The following RPF2 variants were observed in gnomAD, a reference collection of about 807,000 sequenced individuals.
RPF2 encodes ribosome production factor 2 homolog.
RPF2 carries 21 observed loss-of-function variants against 38.9 expected under a neutral mutation model. The observed-to-expected ratio is 0.54, with a 90% CI of 0.38 to 0.78. The LOEUF is 0.78. Among genes scored for constraint, RPF2 ranks in the 30% least tolerant of loss-of-function variants. The probability of loss-of-function intolerance (pLI) is 0.00; values close to 1 mark genes in which losing one functional copy is unlikely to be tolerated. For synonymous variants in RPF2, 121 were observed against 126.2 expected, an observed-to-expected ratio of 0.96 and a Z score of 0.28; for missense variants, 314 against 358.1, an observed-to-expected ratio of 0.88 and a Z score of 0.99.
rs762746907 is a variant in RPF2 at position 111,025,539 on chromosome 6, CAG to C, written c.880_881del (p.Glu294ArgfsTer10). The stretch of plus-strand genomic sequence containing the variant: ...AAGAAGCGACCTGCAGAAAGGATAA[CAG>C]AAGACCACGAGAAAAAGTCAAAAAG... On this transcript the variant is annotated frameshift_variant, in exon 10 of 10. Coordinates refer to ENST00000441448, the MANE Select transcript of RPF2 (RefSeq NM_032194.3). LOFTEE classifies it high-confidence loss of function. The C allele has an allele frequency of 1.2e-6, 2 of 1,610,140 alleles. No individual in the cohort carries two copies. The highest frequency in any genetic ancestry group is 1.1e-5 in the South Asian group (1 of 89,648).
intron 6 of RPF2, among the ~76,000 whole-genome samples, chr6:111,005,080 A>C (rs557111743): frequency 6.6e-5 from 10 of 152,232 alleles, no homozygotes; most frequent in African/African-American, 2.4e-4. Context: ...TGAAGCATGG[A>C]AGACTTGTTA....
intron 6 of RPF2, among the ~76,000 whole-genome samples, chr6:111,000,361 C>G (rs955520259): frequency 2.0e-5 from 3 of 152,112 alleles, no homozygotes; most frequent in Non-Finnish European, 4.4e-5. Context: ...TGGTGTGAGC[C>G]AAAGCACCTG....
At chr6:111,003,336 G>C (rs1000477761) in intron 6 of RPF2, among the ~76,000 whole-genome samples, 2 of 151,796 alleles carry the variant, frequency 1.3e-5, no homozygotes, top group Non-Finnish European at 2.9e-5. Flanking sequence ...CGTCACCCAG[G>C]CTGGAGTGCA....
At chr6:111,020,951 C>A (rs909671703) in intron 8 of RPF2, among the ~76,000 whole-genome samples, 2 of 152,004 alleles carry the variant, frequency 1.3e-5, no homozygotes, top group Non-Finnish European at 2.9e-5. Context: ...GGGCAGATCA[C>A]GAGGTCAGGA....
intron 7 of RPF2, among the ~76,000 whole-genome samples, chr6:111,008,790 C>G (rs985851697): frequency 1.4e-4 from 21 of 151,076 alleles, no homozygotes; most frequent in Non-Finnish European, 2.7e-4. Flanking sequence ...ATTCACATTT[C>G]TATTGTGTAT....
intron 2 of RPF2, 189 bp from the exon 3 acceptor site, chr6:110,988,839 G>A: frequency 1.4e-6 from 1 of 690,456 alleles, no homozygotes; most frequent in Non-Finnish European, 2.3e-6. Flanking sequence ...AAATAGGAAA[G>A]TCTAGTCCAA....
intron 4 of RPF2, among the ~76,000 whole-genome samples, chr6:110,995,536 A>G (rs974401135): frequency 6.6e-6 from 1 of 152,146 alleles, no homozygotes; most frequent in Non-Finnish European, 1.5e-5. Flanking sequence ...TAAGGAGTAA[A>G]GAAAAATGGA....
At chr6:111,012,450 C>T (rs1317658404) in intron 7 of RPF2, among the ~76,000 whole-genome samples, 1 of 151,962 alleles carries the variant, frequency 6.6e-6, no homozygotes, top group African/African-American at 2.4e-5. Flanking sequence ...AGGTGTGAGC[C>T]AACATGCGTG....
chr6:111,024,097 T>C (rs1772280542), intron 8 of RPF2, 86 bp from the exon 9 acceptor site: 1 of 1,168,910 alleles, frequency 8.6e-7, no homozygotes, highest in South Asian at 1.6e-5. Context: ...TTTAATGGAA[T>C]TGTAAATCCC....
chr6:111,021,763 G>T (rs1772238831), intron 8 of RPF2, among the ~76,000 whole-genome samples: 1 of 152,188 alleles, frequency 6.6e-6, no homozygotes, highest in Admixed American at 6.5e-5. Flanking sequence ...CATTCTTTGG[G>T]CTAGCTATAC....
chr6:111,021,799 C>G (rs1452897822), intron 8 of RPF2, among the ~76,000 whole-genome samples: 1 of 152,206 alleles, frequency 6.6e-6, no homozygotes, highest in Non-Finnish European at 1.5e-5. Context: ...CTCGCTCTTA[C>G]TGCAAATTAG....
At chr6:110,984,732 C>T (rs533685236) in intron 1 of RPF2, among the ~76,000 whole-genome samples, 31 of 152,014 alleles carry the variant, frequency 2.0e-4, no homozygotes, top group African/African-American at 7.5e-4. Flanking sequence ...TCTAGCTACT[C>T]GGGAGGCTGA....
chr6:110,998,227 G>T (rs1339838525), intron 5 of RPF2, among the ~76,000 whole-genome samples: 1 of 151,848 alleles, frequency 6.6e-6, no homozygotes, highest in Non-Finnish European at 1.5e-5. Flanking sequence ...TTTTCCTTGG[G>T]ATGAGCTGTC....
chr6:111,019,248 G>T (rs9386991), intron 8 of RPF2, among the ~76,000 whole-genome samples: 2 of 151,864 alleles, frequency 1.3e-5, no homozygotes, highest in South Asian at 4.1e-4. Context: ...GTATGGTGGC[G>T]CACGCCTGTA....
At chr6:110,989,683 T>A (rs1325476448) in intron 3 of RPF2, among the ~76,000 whole-genome samples, 4 of 150,452 alleles carry the variant, frequency 2.7e-5, no homozygotes, top group Non-Finnish European at 5.9e-5. Flanking sequence ...TGGAGTGCAG[T>A]GGCATGATCT....
chr6:110,982,086 G>C lies in RPF2; in HGVS notation c.-21G>C, dbSNP rs373349554. ...GGGCACGTGCATGCCCCCTGGTTAA[G>C]AGTTGCAGGTAGCGGTAGCGATGGA... On this transcript the variant is annotated 5_prime_UTR_variant, in exon 1 of 10. Transcript: ENST00000441448. 75 of 1,614,196 alleles carry C rather than the reference G, an allele frequency of 4.6e-5. 1 individual carries two copies. The South Asian group carries it at 7.8e-4, about 17-fold the overall frequency.
chr6:111,014,309 GT>G (rs1772069478), intron 7 of RPF2, among the ~76,000 whole-genome samples: 1 of 151,742 alleles, frequency 6.6e-6, no homozygotes, highest in Non-Finnish European at 1.5e-5. Flanking sequence ...ATTTTTTGTG[GT>G]TTTAGTAGAG....
chr6:110,984,995 T>G lies in RPF2; in HGVS notation c.24-11T>G. On this transcript the variant is annotated splice_polypyrimidine_tract_variant and intron_variant, in intron 1 of 9. Transcript: ENST00000441448. Reference sequence around the variant, plus strand: ...TGTTTAAATAGTTATGAATTGTGCTTTTCTGAACAGAAAGCCCAAAACGAA... The same window carrying G: ...TGTTTAAATAGTTATGAATTGTGCTGTTCTGAACAGAAAGCCCAAAACGAA... 1 of 1,609,242 alleles carries G rather than the reference T, an allele frequency of 6.2e-7. No individual in the cohort carries two copies. Among genetic ancestry groups the G allele is most frequent in the Non-Finnish European group, 8.5e-7 (1 of 1,178,762 alleles).
Position 111,025,605 on chromosome 6 carries a change from G to A in RPF2, c.*23G>A, listed in dbSNP as rs1044388. The A allele has an allele frequency of 0.2, 306,037 of 1,564,728 alleles. 30,340 individuals are homozygous for A. The highest frequency in any genetic ancestry group is 0.22 in the South Asian group (18,486 of 85,252). On this transcript the variant is annotated 3_prime_UTR_variant, in exon 10 of 10. Coordinates refer to ENST00000441448, the MANE Select transcript of RPF2 (RefSeq NM_032194.3). Reference sequence around the variant, plus strand: ...TGATGGAACTTAGCCAGCCACTACTGTTTCATTGTGTTCTACTTAAGAGAA... The same window carrying A: ...TGATGGAACTTAGCCAGCCACTACTATTTCATTGTGTTCTACTTAAGAGAA...
Sources: allele counts gnomAD v4.1 joint callset (sites outside exome capture counted in the v4.1 genomes callset), GRCh38; gene constraint gnomAD v4.1.1; transcripts MANE v1.5; gene names NCBI Gene and HGNC (gene_info 2026-07-23, HGNC 2026-07-21).